NPIPA8: variants seen among roughly 807,000 people sequenced by gnomAD.
NPIPA8 encodes the protein nuclear pore complex-interacting protein family member A8.
A neutral mutation model predicts 7.1 loss-of-function variants in NPIPA8; 1 was observed. That is an observed-to-expected ratio of 0.14 (90% confidence interval 0.05 to 0.66). NPIPA8 has a LOEUF of 0.66. Ranked by LOEUF, NPIPA8 falls within the 30% of genes least tolerant of loss-of-function variation. The pLI is 0.84.
rs533889926 is a variant in NPIPA8, at chr16:18,324,881, T to C, written c.193-383A>G. Among the ~76,000 whole-genome samples, 75 of 89,150 alleles carry C rather than the reference T, an allele frequency of 8.4e-4. 15 individuals carry two copies. In the East Asian group the frequency reaches 0.02, roughly 23 times the overall value. 58.5% of individuals were successfully genotyped at this position (89,150 alleles called of 152,430 possible). A position where few individuals can be genotyped will look rare whatever the true frequency, so the allele number is the denominator to read the frequency against. ...CTGGCAGGGTGGCTCACTCCTGTAA[T>C]CCCAGTACTTTGGGAGGCCGAGGCA... On this transcript the variant is annotated intron_variant, in intron 2 of 7. Transcript: ENST00000541810.
chr16:18,323,819 GAAAAAAAAAAA>G (rs1162097124), intron 4 of NPIPA8, among the ~76,000 whole-genome samples: 1,065 of 32,430 alleles, frequency 0.033, 7 homozygotes, highest in African/African-American at 0.067. Flanking sequence ...CCCATCTCAG[GAAAAAAAAAAA>G]AAAAAAAAAA....
In NPIPA8 at chr16:18,323,420, G is replaced by A. The variant is rs1340243974; in HGVS notation, c.437+671C>T. Among the ~76,000 whole-genome samples the A allele has an allele frequency of 8.8e-3, 75 of 8,492 alleles. 3 individuals are homozygous for A. Among genetic ancestry groups the A allele is most frequent in the Non-Finnish European group, 0.016 (65 of 3,952 alleles). 5.6% of individuals were successfully genotyped at this position (8,492 alleles called of 152,430 possible). A position where few individuals can be genotyped will look rare whatever the true frequency, so the allele number is the denominator to read the frequency against. Reference sequence around the variant, plus strand: ...AATCCAAGCTACTCGGGAAGCTGAGGCAGAATTGCTTCAAACTGGGAGGCA... The same window carrying A: ...AATCCAAGCTACTCGGGAAGCTGAGACAGAATTGCTTCAAACTGGGAGGCA... On this transcript the variant is annotated intron_variant, in intron 4 of 7. Transcript: ENST00000541810.
At position 18,325,028 on chromosome 16, in the gene NPIPA8, C is replaced by G. The variant is rs868168034; in HGVS notation, c.193-530G>C. On this transcript the variant is annotated intron_variant, in intron 2 of 7. Transcript: ENST00000541810. ...GCATGCCTGTAATCCCAGCTAGTCG[C>G]GAGGCTGAGGCAGGAGAATCACTTG... 7.1e-3 allele frequency among the ~76,000 whole-genome samples: 459 copies of G among 64,364 alleles called. 55 individuals are homozygous for G. The highest frequency in any genetic ancestry group is 0.047 in the Middle Eastern group (6 of 128). The allele number at this position is 64,364 out of a possible 152,430, so 42.2% of individuals were successfully genotyped here. A position where few individuals can be genotyped will look rare whatever the true frequency, so the allele number is the denominator to read the frequency against.
chr16:18,323,842 A>T (rs1409720259), intron 4 of NPIPA8, among the ~76,000 whole-genome samples: 1 of 121,514 alleles, frequency 8.2e-6, no homozygotes, highest in Non-Finnish European at 1.9e-5. Context: ...AAAAAAAAAA[A>T]AAAAAAGAGA....
upstream of NPIPA8, among the ~76,000 whole-genome samples, chr16:18,335,498 C>A (rs1900155984): frequency 4.1e-5 from 5 of 122,560 alleles, 1 homozygote; most frequent in African/African-American, 1.4e-4. Context: ...CCACGCCCGG[C>A]CATCGTTCCA....
chr16:18,325,098 C>T (rs1418038758), intron 2 of NPIPA8, among the ~76,000 whole-genome samples: 2 of 70,300 alleles, frequency 2.8e-5, no homozygotes, highest in African/African-American at 1.3e-4. Context: ...TGTGCCATTG[C>T]ACTCCAACCT....
chr16:18,323,819 G>GAAAAAA (rs1162097124), intron 4 of NPIPA8, among the ~76,000 whole-genome samples: 45 of 33,100 alleles, frequency 1.4e-3, no homozygotes, highest in South Asian at 3.6e-3. Flanking sequence ...CCCATCTCAG[G>GAAAAAA]AAAAAAAAAA....
chr16:18,324,800 T>TCACACACACA (rs529158643), intron 2 of NPIPA8, among the ~76,000 whole-genome samples: 11 of 58,494 alleles, frequency 1.9e-4, no homozygotes, highest in Non-Finnish European at 2.1e-4. Flanking sequence ...TGAGACTCTG[T>TCACACACACA]CACACACACA....
chr16:18,335,681 C>T (rs1174282477), upstream of NPIPA8, among the ~76,000 whole-genome samples: 3 of 113,130 alleles, frequency 2.7e-5, no homozygotes, highest in East Asian at 2.3e-4. Flanking sequence ...TGCGGCCTCC[C>T]GTTTCCGTAT....
At chr16:18,335,818 AT>A (rs566075256), upstream of NPIPA8, among the ~76,000 whole-genome samples, 66 of 128,498 alleles carry the variant, frequency 5.1e-4, no homozygotes, top group East Asian at 2.6e-3. Flanking sequence ...TCTTTGTGGG[AT>A]TTTTTTTTTC....
intron 4 of NPIPA8, among the ~76,000 whole-genome samples, chr16:18,323,769 T>C (rs1368755581): frequency 9.3e-6 from 1 of 107,078 alleles, no homozygotes; most frequent in African/African-American, 3.3e-5. Context: ...TGAGTTGAGA[T>C]TGTGCCATTG....
At chr16:18,323,851 G>GAA (rs1900057001) in intron 4 of NPIPA8, among the ~76,000 whole-genome samples, 2 of 88,456 alleles carry the variant, frequency 2.3e-5, no homozygotes, top group African/African-American at 3.7e-5. Context: ...AAAAAAAAGA[G>GAA]AAAGGAAAAC....
At chr16:18,323,847 A>AAAAAAAAAAAAAAAAAAAAAAAAAAAAAG (rs750129798) in intron 4 of NPIPA8, among the ~76,000 whole-genome samples, 1 of 91,642 alleles carries the variant, frequency 1.1e-5, no homozygotes, top group Admixed American at 1.3e-4. Flanking sequence ...AAAAAAAAAA[A>AAAAAAAAAAAAAAAAAAAAAAAAAAAAAG]AGAGAAAGGA....
chr16:18,335,764 C>T (rs2141364473), upstream of NPIPA8, among the ~76,000 whole-genome samples: 1 of 134,066 alleles, frequency 7.5e-6, no homozygotes, highest in East Asian at 2.2e-4. Flanking sequence ...TCTTCCTTAA[C>T]TGCTTAGAAA....
At chr16:18,335,492 G>A (rs370473870), upstream of NPIPA8, among the ~76,000 whole-genome samples, 876 of 116,084 alleles carry the variant, frequency 7.5e-3, 9 homozygotes, top group African/African-American at 0.017. Flanking sequence ...GAGCCACCAC[G>A]CCCGGCCATC....
At chr16:18,325,106 C>A (rs1305463765) in intron 2 of NPIPA8, among the ~76,000 whole-genome samples, 2 of 73,756 alleles carry the variant, frequency 2.7e-5, no homozygotes, top group African/African-American at 1.2e-4. Context: ...TGCACTCCAA[C>A]CTGGGCAACA....
rs1187994336 is a variant in NPIPA8 at position 18,324,909 on chromosome 16, C to T, written c.193-411G>A. On this transcript the variant is annotated intron_variant, in intron 2 of 7. Coordinates refer to ENST00000541810, the Ensembl canonical transcript of NPIPA8. ...CAGTACTTTGGGAGGCCGAGGCAGG[C>T]GGATAACCTGAGGTCGGGAGTTTGA... Among the ~76,000 whole-genome samples, 13 of 85,490 alleles carry T rather than the reference C, an allele frequency of 1.5e-4. 3 individuals are homozygous for T. Among genetic ancestry groups the T allele is most frequent in the African/African-American group, 3.3e-4 (5 of 15,260 alleles). The allele number at this position is 85,490 out of a possible 152,430, so 56.1% of individuals were successfully genotyped here. A position where few individuals can be genotyped will look rare whatever the true frequency, so the allele number is the denominator to read the frequency against.
At chr16:18,325,132 C>A in intron 2 of NPIPA8, among the ~76,000 whole-genome samples, 1 of 74,974 alleles carries the variant, frequency 1.3e-5, no homozygotes, top group Non-Finnish European at 2.7e-5. Context: ...CAAACTCTGT[C>A]TCAAAAAAAA....
upstream of NPIPA8, among the ~76,000 whole-genome samples, chr16:18,335,538 A>G (rs1213618594): frequency 2.7e-5 from 3 of 113,124 alleles, no homozygotes; most frequent in African/African-American, 1.3e-4. Flanking sequence ...GAGCAGCCAC[A>G]TGTGGCCTCT....
Sources: allele counts gnomAD v4.1 joint callset (sites outside exome capture counted in the v4.1 genomes callset), GRCh38; gene constraint gnomAD v4.1.1; transcripts MANE v1.5; gene names NCBI Gene and HGNC (gene_info 2026-07-23, HGNC 2026-07-21).